Variants in GSG1L observed in about 807,000 individuals in gnomAD.
GSG1L encodes the protein germ cell-specific gene 1-like protein.
A neutral mutation model predicts 42.1 loss-of-function variants in GSG1L; 24 were observed. The ratio of observed to expected loss-of-function variants is 0.57; its 90% confidence interval spans 0.41 to 0.80. GSG1L has a LOEUF of 0.80. GSG1L is among the 30% of genes least tolerant of loss of function. The pLI is 0.00. For missense variants in GSG1L, 445 were observed against 472.2 expected (o/e 0.94, Z 0.53); for synonymous variants, 215 against 203.5 (o/e 1.06, Z -0.48).
chr16:28,055,027 C>A (rs1012484566), intron 1 of GSG1L, among the ~76,000 whole-genome samples: 1 of 152,208 alleles, frequency 6.6e-6, no homozygotes, highest in Admixed American at 6.5e-5. Flanking sequence ...GGTTTCCAGG[C>A]TGGCCTCTGT....
intron 1 of GSG1L, among the ~76,000 whole-genome samples, chr16:28,054,875 T>C (rs2086261979): frequency 6.6e-6 from 1 of 152,088 alleles, no homozygotes. Flanking sequence ...AGATGTCATA[T>C]AAAAACTGGG....
intron 3 of GSG1L, among the ~76,000 whole-genome samples, chr16:27,870,115 C>T (rs534059902): frequency 1.4e-5 from 2 of 147,744 alleles, no homozygotes; most frequent in Non-Finnish European, 1.5e-5. Flanking sequence ...CTCTTCTCTC[C>T]TCTCTCTGTC....
At chr16:27,948,316 C>G (rs1567531273) in intron 2 of GSG1L, among the ~76,000 whole-genome samples, 1 of 152,128 alleles carries the variant, frequency 6.6e-6, no homozygotes, top group Admixed American at 6.6e-5. Context: ...GTTGGGGAAT[C>G]AAGTGGGCCT....
intron 1 of GSG1L, among the ~76,000 whole-genome samples, chr16:27,967,454 C>T (rs2085148119): frequency 6.6e-6 from 1 of 152,180 alleles, no homozygotes; most frequent in Non-Finnish European, 1.5e-5. Context: ...TCCCCTGCCC[C>T]CGCCTTGTGC....
chr16:27,911,482 G>C (rs922508397), intron 2 of GSG1L, among the ~76,000 whole-genome samples: 2 of 152,146 alleles, frequency 1.3e-5, no homozygotes, highest in Admixed American at 6.5e-5. Flanking sequence ...AGTAGAGATG[G>C]TGTTTGGCCA....
At chr16:27,798,039 G>T (rs373240867) in intron 6 of GSG1L, among the ~76,000 whole-genome samples, 1 of 152,110 alleles carries the variant, frequency 6.6e-6, no homozygotes, top group East Asian at 1.9e-4. Flanking sequence ...GGGGAGGATG[G>T]GAGTGGGGTA....
At chr16:27,954,573 T>C (rs931474552) in intron 2 of GSG1L, among the ~76,000 whole-genome samples, 1 of 151,262 alleles carries the variant, frequency 6.6e-6, no homozygotes, top group African/African-American at 2.4e-5. Flanking sequence ...GATGGGAGAG[T>C]TCCTCTTGCG....
chr16:27,841,890 G>C (rs916532699), intron 4 of GSG1L, among the ~76,000 whole-genome samples: 1 of 152,182 alleles, frequency 6.6e-6, no homozygotes, highest in African/African-American at 2.4e-5. Context: ...CCAGAGGAGA[G>C]AGCCAGGGCC....
intron 3 of GSG1L, among the ~76,000 whole-genome samples, chr16:27,879,438 T>G (rs1019962176): frequency 1.3e-5 from 2 of 152,070 alleles, no homozygotes; most frequent in African/African-American, 2.4e-5. Context: ...AGACCTCATC[T>G]TCACAAAAAA....
chr16:27,950,244 G>A (rs1462809407), intron 2 of GSG1L, among the ~76,000 whole-genome samples: 4 of 152,152 alleles, frequency 2.6e-5, no homozygotes. Flanking sequence ...GAGTCTATTT[G>A]CCATGGAGAA....
At chr16:27,961,186 T>A (rs1253711921) in intron 2 of GSG1L, among the ~76,000 whole-genome samples, 1 of 152,224 alleles carries the variant, frequency 6.6e-6, no homozygotes, top group African/African-American at 2.4e-5. Context: ...CGTTCACACA[T>A]GCTCACCCAG....
At position 27,909,634 on chromosome 16, in the gene GSG1L, G is replaced by GC. The variant is rs61371841; in HGVS notation, c.398-24997dup. Among the ~76,000 whole-genome samples, 175 of 123,960 alleles carry GC rather than the reference G, an allele frequency of 1.4e-3. 2 individuals are homozygous for GC. Among genetic ancestry groups the GC allele is most frequent in the African/African-American group, 2.6e-3 (87 of 33,730 alleles). The allele number at this position is 123,960 out of a possible 152,430, so 81.3% of individuals were successfully genotyped here. On this transcript the variant is annotated intron_variant, in intron 2 of 6. Coordinates refer to ENST00000447459, the MANE Select transcript of GSG1L (RefSeq NM_001109763.2). ...CCTGCATGACTCTGCACTGCACCCA[G>GC]CTTTTTTTTTTTTTTTTTTTTTTTT...
intron 1 of GSG1L, among the ~76,000 whole-genome samples, chr16:28,019,973 A>G (rs561716219): frequency 6.6e-6 from 1 of 152,276 alleles, no homozygotes; most frequent in East Asian, 1.9e-4. Context: ...AACTTGGGTC[A>G]CCTGTCTCGC....
intron 1 of GSG1L, among the ~76,000 whole-genome samples, chr16:27,992,311 T>A (rs1413421978): frequency 6.6e-6 from 1 of 152,154 alleles, no homozygotes; most frequent in African/African-American, 2.4e-5. Context: ...CTGGCCAGCA[T>A]GGTGAAACCT....
At chr16:28,055,832 TA>T (rs1179492940) in intron 1 of GSG1L, among the ~76,000 whole-genome samples, 1 of 152,084 alleles carries the variant, frequency 6.6e-6, no homozygotes, top group African/African-American at 2.4e-5. Context: ...CAAAAGAGCT[TA>T]ACCTGCACCG....
chr16:27,854,601 C>T (rs1215893488), intron 3 of GSG1L, among the ~76,000 whole-genome samples: 4 of 152,116 alleles, frequency 2.6e-5, no homozygotes, highest in South Asian at 4.1e-4. Context: ...AGCACATCCT[C>T]GAGGGCTGTT....
At position 27,884,947 on chromosome 16, in the gene GSG1L, C is replaced by T. The variant is rs1039246534; in HGVS notation, c.398-309G>A. 4.6e-5 allele frequency among the ~76,000 whole-genome samples: 7 copies of T among 152,198 alleles called. No individual in the cohort carries two copies. In the South Asian group the frequency reaches 6.2e-4, roughly 14 times the overall value. ...TGATCACCACTGAGAGCCAGCTTGC[C>T]GCCACCAGTTTAGGGTGAAGCTGAC... On this transcript the variant is annotated intron_variant, in intron 2 of 6. Transcript: ENST00000447459. This position sits in a 1 kb window ranked among gnomAD's most constrained non-coding sequence, Gnocchi z 4.4.
chr16:27,794,400 G>A (rs1306712450), intron 6 of GSG1L, among the ~76,000 whole-genome samples: 3 of 151,220 alleles, frequency 2.0e-5, no homozygotes, highest in East Asian at 1.9e-4. Context: ...GCGCGATCTC[G>A]GCTCACTGCC....
intron 3 of GSG1L, among the ~76,000 whole-genome samples, chr16:27,858,771 T>C (rs568400354): frequency 1.3e-5 from 2 of 152,250 alleles, no homozygotes; most frequent in African/African-American, 2.4e-5. Context: ...CTGGGCAACA[T>C]AGTGAGACCC....
Sources: allele counts gnomAD v4.1 joint callset (sites outside exome capture counted in the v4.1 genomes callset), GRCh38; gene constraint gnomAD v4.1.1; non-coding constraint Gnocchi (gnomAD v3.1); transcripts MANE v1.5; gene names NCBI Gene and HGNC (gene_info 2026-07-23, HGNC 2026-07-21).